UBAP2: variants seen among roughly 807,000 people sequenced by gnomAD.
The protein encoded by UBAP2 is ubiquitin associated protein 2, also known as ubiquitin-associated protein 2.
In UBAP2, 75 loss-of-function variants were observed where a neutral mutation model predicts 139.6. The observed-to-expected ratio is 0.54, with a 90% CI of 0.45 to 0.65. UBAP2 has a LOEUF of 0.65. Ranked by LOEUF, UBAP2 falls within the 30% of genes least tolerant of loss-of-function variation. The probability of loss-of-function intolerance (pLI) is 0.00; values close to 1 mark genes in which losing one functional copy is unlikely to be tolerated. For synonymous variants in UBAP2, 526 were observed against 526.2 expected (o/e 1.00, Z 0.01); for missense variants, 1,368 against 1,369.6 (o/e 1.00, Z 0.02).
intron 1 of UBAP2, among the ~76,000 whole-genome samples, chr9:34,039,274 G>C (rs1316127338): frequency 2.8e-5 from 4 of 143,850 alleles, no homozygotes; most frequent in African/African-American, 5.2e-5. Flanking sequence ...CCGAGAGGTG[G>C]GGGGGGCGCC....
chr9:33,959,413 C>T (rs1826843090), intron 10 of UBAP2, among the ~76,000 whole-genome samples: 2 of 152,074 alleles, frequency 1.3e-5, no homozygotes, highest in South Asian at 2.1e-4. Flanking sequence ...TCAAAGTGTG[C>T]GTCATTGTAT....
At position 33,922,793 on chromosome 9, in the gene UBAP2, G is replaced by A. The variant is rs138911165; in HGVS notation, c.3158C>T (p.Ser1053Leu). The A allele has an allele frequency of 2.7e-4, 422 of 1,561,898 alleles. No individual in the cohort carries two copies. Among genetic ancestry groups the A allele is most frequent in the Admixed American group, 5.1e-4 (27 of 53,030 alleles). Residue 1053 changes from serine to leucine, a missense_variant, in exon 28 of 29, where the codon TCG (serine) becomes TTG (leucine). By Grantham distance (145) the Ser-to-Leu change is moderately radical (BLOSUM62 -2). Transcript: ENST00000379238. ...GGGTGCATAGCCAGGGGCCGCTCCC[G>A]AGGCCAGGGGCCCAGTGGAGCCCAA... ...SVLGSTGPLA[S>L]GAAPGYAPPP...
chr9:33,965,195 T>C (rs1827353660), intron 8 of UBAP2, among the ~76,000 whole-genome samples: 1 of 152,218 alleles, frequency 6.6e-6, no homozygotes, highest in African/African-American at 2.4e-5. Flanking sequence ...TACAATTTAG[T>C]GGCACAGAGT....
At chr9:33,930,455 A>AAAC (rs754708465) in intron 19 of UBAP2, among the ~76,000 whole-genome samples, 39 of 152,032 alleles carry the variant, frequency 2.6e-4, no homozygotes, top group East Asian at 7.7e-4. Context: ...AACTGTGGGG[A>AAAC]AACAACAACA....
chr9:33,984,831 C>T (rs1388764134), intron 6 of UBAP2, among the ~76,000 whole-genome samples: 1 of 152,090 alleles, frequency 6.6e-6, no homozygotes, highest in African/African-American at 2.4e-5. Context: ...CGGCTATTAT[C>T]AAAAAGACAA....
At chr9:34,035,514 A>AAAAAAAAAAAAAAATATATATATATATAT in intron 1 of UBAP2, among the ~76,000 whole-genome samples, 7 of 22,486 alleles carry the variant, frequency 3.1e-4, no homozygotes, top group African/African-American at 8.9e-4. Flanking sequence ...AAAAAAAAAA[A>AAAAAAAAAAAAAAATATATATATATATAT]ATATATATAT....
intron 6 of UBAP2, among the ~76,000 whole-genome samples, chr9:33,981,450 G>C (rs1820749503): frequency 6.6e-6 from 1 of 150,490 alleles, no homozygotes; most frequent in South Asian, 2.1e-4. Flanking sequence ...CAACTTCCCA[G>C]ACTCAAGCCA....
Position 33,949,334 on chromosome 9 carries a change from CCA to C in UBAP2, c.1057-749_1057-748del, listed in dbSNP as rs1278482528. On this transcript the variant is annotated intron_variant, in intron 12 of 28. Transcript: ENST00000379238. Reference sequence around the variant, plus strand: ...ACACATTATTTTCCTAGTCTGTGAACCACAGTCTTCATCTTTAATGATTACAA... The same window carrying C: ...ACACATTATTTTCCTAGTCTGTGAACCAGTCTTCATCTTTAATGATTACAA... 2.6e-5 allele frequency among the ~76,000 whole-genome samples: 4 copies of C among 152,034 alleles called. No homozygotes were observed. The South Asian group carries it at 8.3e-4, about 32-fold the overall frequency.
rs529261072 is a variant in UBAP2 at position 33,976,047 on chromosome 9, C to T, written c.521-2810G>A. Among the ~76,000 whole-genome samples the T allele has an allele frequency of 6.1e-4, 93 of 152,146 alleles. 1 individual carries two copies. The highest frequency in any genetic ancestry group is 2.2e-3 in the African/African-American group (90 of 41,520). Reference sequence around the variant, plus strand: ...CCTGGGCAACAAAGCGAGATGCCACCTCTACAATAAATTTTTTTAATAAAT... The same window carrying T: ...CCTGGGCAACAAAGCGAGATGCCACTTCTACAATAAATTTTTTTAATAAAT... On this transcript the variant is annotated intron_variant, in intron 6 of 28. Coordinates refer to ENST00000379238, the MANE Select transcript of UBAP2 (RefSeq NM_001370062.2).
intron 19 of UBAP2, among the ~76,000 whole-genome samples, chr9:33,931,747 T>C (rs952122870): frequency 6.6e-6 from 1 of 152,176 alleles, no homozygotes; most frequent in Non-Finnish European, 1.5e-5. Flanking sequence ...TGAGCTGCTG[T>C]CTTCTTCAGA....
intron 4 of UBAP2, among the ~76,000 whole-genome samples, chr9:33,992,342 T>C (rs1821780801): frequency 1.6e-5 from 2 of 126,392 alleles, no homozygotes; most frequent in African/African-American, 6.3e-5. Flanking sequence ...TGAGCCGAGA[T>C]CACGCCATTA....
chr9:34,032,699 G>A (rs1469469517), intron 1 of UBAP2, among the ~76,000 whole-genome samples: 2 of 152,068 alleles, frequency 1.3e-5, no homozygotes, highest in East Asian at 1.9e-4. Flanking sequence ...CGAGGCAGGC[G>A]GATCACTTGA....
intron 1 of UBAP2, among the ~76,000 whole-genome samples, chr9:34,020,850 G>A (rs576831023): frequency 1.3e-5 from 2 of 151,656 alleles, no homozygotes; most frequent in Admixed American, 1.3e-4. Flanking sequence ...TTTTAGTAGA[G>A]ACGGGGTTTC....
At chr9:34,016,378 GT>G in intron 2 of UBAP2, among the ~76,000 whole-genome samples, 1 of 81,116 alleles carries the variant, frequency 1.2e-5, no homozygotes, top group African/African-American at 3.9e-5. Flanking sequence ...GGCGGTGGTG[GT>G]GGTGGTGGTG....
chr9:34,032,051 G>T (rs968041609), intron 1 of UBAP2, among the ~76,000 whole-genome samples: 1 of 151,822 alleles, frequency 6.6e-6, no homozygotes, highest in Admixed American at 6.6e-5. Flanking sequence ...AGGCTGAGGC[G>T]GGAGGATTGC....
chr9:33,999,873 T>C (rs1055551529), intron 2 of UBAP2, among the ~76,000 whole-genome samples: 16 of 72,320 alleles, frequency 2.2e-4, no homozygotes, highest in Admixed American at 8.8e-4. Context: ...TATGTATGTA[T>C]GTATGTATGT....
chr9:34,028,930 T>C (rs1372935280), intron 1 of UBAP2, among the ~76,000 whole-genome samples: 1 of 151,958 alleles, frequency 6.6e-6, no homozygotes, highest in African/African-American at 2.4e-5. Context: ...CTGGGCGGCG[T>C]GGCAAGTCCT....
At chr9:33,967,079 T>C (rs1208144814) in intron 8 of UBAP2, among the ~76,000 whole-genome samples, 1 of 152,232 alleles carries the variant, frequency 6.6e-6, no homozygotes, top group Non-Finnish European at 1.5e-5. Context: ...TTTTTTCTAA[T>C]CTTACATATC....
intron 8 of UBAP2, chr9:33,968,044 T>C: frequency 2.4e-6 from 1 of 422,798 alleles, no homozygotes; most frequent in South Asian, 2.1e-5. Flanking sequence ...AAATCCAGTA[T>C]CCATTGATTT....
Sources: gnomAD v4.1 joint callset for allele counts (sites outside exome capture counted in the v4.1 genomes callset) on GRCh38, gnomAD v4.1.1 for gene constraint, MANE v1.5 for transcripts, NCBI Gene and HGNC (gene_info 2026-07-23, HGNC 2026-07-21) for gene names.